THSD7A: variants seen among roughly 807,000 people sequenced by gnomAD.
THSD7A encodes thrombospondin type 1 domain containing 7A, also known as thrombospondin type-1 domain-containing protein 7A.
THSD7A carries 96 observed loss-of-function variants against 231.3 expected under a neutral mutation model. The observed-to-expected ratio is 0.41, with a 90% CI of 0.35 to 0.49. The LOEUF is 0.49. Ranked by LOEUF, THSD7A falls within the 20% of genes least tolerant of loss-of-function variation. The probability of loss-of-function intolerance (pLI) is 0.05; values close to 1 mark genes in which losing one functional copy is unlikely to be tolerated. For synonymous variants in THSD7A, 940 were observed against 743.3 expected (o/e 1.26, Z -4.30); for missense variants, 2,290 against 2,070.2 (o/e 1.11, Z -2.06).
At chr7:11,670,612 C>T (rs1203655117) in intron 1 of THSD7A, among the ~76,000 whole-genome samples, 1 of 152,118 alleles carries the variant, frequency 6.6e-6, no homozygotes, top group East Asian at 1.9e-4. Flanking sequence ...CAGACTTTTA[C>T]CAAAGACATG....
At chr7:11,698,171 CT>C (rs1780460985) in intron 1 of THSD7A, among the ~76,000 whole-genome samples, 1 of 151,230 alleles carries the variant, frequency 6.6e-6, no homozygotes, top group Non-Finnish European at 1.5e-5. Context: ...ACGATTATTT[CT>C]TTGTAAAATA....
At chr7:11,463,779 A>G (rs1008992913) in intron 9 of THSD7A, among the ~76,000 whole-genome samples, 11 of 152,232 alleles carry the variant, frequency 7.2e-5, no homozygotes, top group African/African-American at 2.4e-4. Context: ...CATGTTAAAT[A>G]TAATTTATCT....
At chr7:11,776,625 G>A (rs897612012) in intron 1 of THSD7A, among the ~76,000 whole-genome samples, 3 of 152,080 alleles carry the variant, frequency 2.0e-5, no homozygotes, top group Non-Finnish European at 4.4e-5. Flanking sequence ...TATAAAACTT[G>A]AATTTTGTCA....
Position 11,637,076 on chromosome 7 carries a change from A to ACCGCAGGG in THSD7A, c.191-116_191-115insCCCTGCGG. 1 of 947,808 alleles carries ACCGCAGGG rather than the reference A, an allele frequency of 1.1e-6. No individual in the cohort carries two copies. The highest frequency in any genetic ancestry group is 1.6e-6 in the Non-Finnish European group (1 of 644,524). 58.7% of individuals were successfully genotyped at this position (947,808 alleles called of 1,614,324 possible). On this transcript the variant is annotated intron_variant, in intron 1 of 27. Coordinates refer to ENST00000423059, the MANE Select transcript of THSD7A (RefSeq NM_015204.3). The surrounding 1 kb of genome is among the most constrained non-coding windows in gnomAD (Gnocchi z 4.2). ...TACATTAACTTCCCTGCGGTGTTAC[A>ACCGCAGGG]AAGTAGGTCTCTGGACACGACTGTT...
intron 1 of THSD7A, among the ~76,000 whole-genome samples, chr7:11,776,870 G>T (rs930383922): frequency 3.3e-5 from 5 of 152,070 alleles, no homozygotes; most frequent in African/African-American, 1.2e-4. Context: ...TTCTCGTCAG[G>T]CCTAGTATAA....
Position 11,796,534 on chromosome 7 carries a change from ATTTAC to A in THSD7A, c.190+35218_190+35222del, listed in dbSNP as rs1438352966. 2.6e-5 allele frequency among the ~76,000 whole-genome samples: 4 copies of A among 151,554 alleles called. No individual in the cohort carries two copies. In the East Asian group the frequency reaches 7.8e-4, roughly 29 times the overall value. On this transcript the variant is annotated intron_variant, in intron 1 of 27. Coordinates refer to ENST00000423059, the MANE Select transcript of THSD7A (RefSeq NM_015204.3). ...CATCCAGAATACAGCATATTTTGCT[ATTTAC>A]TTTATGCAGTCTTTGTTTGATGTTT...
At chr7:11,764,300 G>T (rs1224733298) in intron 1 of THSD7A, among the ~76,000 whole-genome samples, 1 of 152,094 alleles carries the variant, frequency 6.6e-6, no homozygotes, top group African/African-American at 2.4e-5. Flanking sequence ...TAAAAGTAAA[G>T]ACCGGGCATG....
At position 11,412,557 on chromosome 7, in the gene THSD7A, G is replaced by C. The variant is rs542250424; in HGVS notation, c.3682+99C>G. On this transcript the variant is annotated intron_variant, in intron 18 of 27. Coordinates refer to ENST00000423059, the MANE Select transcript of THSD7A (RefSeq NM_015204.3). The stretch of plus-strand genomic sequence containing the variant: ...GGGAAAGTAAGCAGCATATCCAAAA[G>C]GCACACAGGTAGAGATGAACTATAC... The C allele has an allele frequency of 1.1e-4, 153 of 1,375,430 alleles. 2 individuals carry two copies. The South Asian group carries it at 2.1e-3, about 19-fold the overall frequency. The allele number at this position is 1,375,430 out of a possible 1,614,324, so 85.2% of individuals were successfully genotyped here.
intron 1 of THSD7A, among the ~76,000 whole-genome samples, chr7:11,788,551 C>T (rs549154995): frequency 2.6e-5 from 4 of 152,014 alleles, no homozygotes; most frequent in Middle Eastern, 3.4e-3. Flanking sequence ...TATTCAGGAC[C>T]GAGAGTATCT....
At position 11,406,175 on chromosome 7, in the gene THSD7A, G is replaced by T; in HGVS notation, c.4237+125C>A. The T allele has an allele frequency of 1.0e-6, 1 of 969,724 alleles. No individual in the cohort carries two copies. The highest frequency in any genetic ancestry group is 1.5e-6 in the Non-Finnish European group (1 of 664,226). The allele number at this position is 969,724 out of a possible 1,614,324, so 60.1% of individuals were successfully genotyped here. A position where few individuals can be genotyped will look rare whatever the true frequency, so the allele number is the denominator to read the frequency against. On this transcript the variant is annotated intron_variant, in intron 22 of 27. Transcript: ENST00000423059. The surrounding 1 kb of genome is among the most constrained non-coding windows in gnomAD (Gnocchi z 4.7). ...CCACAGGCATAGTGTTGAGCTGTTG[G>T]CATAGATATTACTGAATAAGAAGAC...
In THSD7A at chr7:11,777,965, C is replaced by T. The variant is rs1212008316; in HGVS notation, c.190+53792G>A. Among the ~76,000 whole-genome samples, 258 of 145,856 alleles carry T rather than the reference C, an allele frequency of 1.8e-3. 3 individuals are homozygous for T. Among genetic ancestry groups the T allele is most frequent in the East Asian group, 6.3e-3 (31 of 4,928 alleles). ...GAGATCGAGACCATCCCGGCTAAAA[C>T]GGTGAAACCCCGTCTCTACTAAAAA... is the stretch of plus-strand genomic sequence containing the variant. On this transcript the variant is annotated intron_variant, in intron 1 of 27. Transcript: ENST00000423059.
At chr7:11,747,185 A>C (rs1441351983) in intron 1 of THSD7A, among the ~76,000 whole-genome samples, 2 of 151,942 alleles carry the variant, frequency 1.3e-5, no homozygotes, top group Non-Finnish European at 2.9e-5. Flanking sequence ...TGTAATGAGA[A>C]AGTCACATTA....
chr7:11,381,200 A>T (rs935593571), intron 24 of THSD7A, among the ~76,000 whole-genome samples: 3 of 152,126 alleles, frequency 2.0e-5, no homozygotes, highest in Non-Finnish European at 2.9e-5. Context: ...TACCTCTTAG[A>T]GTGGGGTAGA....
chr7:11,775,083 T>C (rs759637333), intron 1 of THSD7A, among the ~76,000 whole-genome samples: 2 of 151,834 alleles, frequency 1.3e-5, no homozygotes, highest in Admixed American at 1.3e-4. Context: ...AACAAAAACC[T>C]AAAGAGATAA....
intron 4 of THSD7A, among the ~76,000 whole-genome samples, chr7:11,572,809 A>G (rs946673276): frequency 6.6e-6 from 1 of 151,958 alleles, no homozygotes; most frequent in African/African-American, 2.4e-5. Context: ...TCTTATATCT[A>G]GGCCATCTCA....
chr7:11,414,725 G>T (rs1201184380), intron 17 of THSD7A, among the ~76,000 whole-genome samples: 2 of 152,156 alleles, frequency 1.3e-5, no homozygotes, highest in African/African-American at 4.8e-5. Flanking sequence ...AGCCTCCATG[G>T]ACTTTTTAAG....
intron 1 of THSD7A, among the ~76,000 whole-genome samples, chr7:11,741,150 C>T (rs1306546409): frequency 1.3e-5 from 2 of 151,898 alleles, no homozygotes; most frequent in African/African-American, 2.4e-5. Context: ...AATAATTACA[C>T]ATTGTATCCT....
chr7:11,820,387 T>A, intron 1 of THSD7A: 1 of 1,294,248 alleles, frequency 7.7e-7, no homozygotes, highest in Non-Finnish European at 1.0e-6. Flanking sequence ...GTCTTCAATC[T>A]CCCATTCCTC....
intron 1 of THSD7A, among the ~76,000 whole-genome samples, chr7:11,742,194 C>A (rs1460007161): frequency 6.6e-6 from 1 of 151,770 alleles, no homozygotes. Flanking sequence ...TATTCAGAGG[C>A]AGTATAAGAA....
Sources: allele counts gnomAD v4.1 joint callset (sites outside exome capture counted in the v4.1 genomes callset), GRCh38; gene constraint gnomAD v4.1.1; non-coding constraint Gnocchi (gnomAD v3.1); transcripts MANE v1.5; gene names NCBI Gene and HGNC (gene_info 2026-07-23, HGNC 2026-07-21).